Variants in ABCA13 observed in about 807,000 individuals in gnomAD.
The protein encoded by ABCA13 is ATP-binding cassette sub-family A member 13.
Under a neutral mutation model 478.7 loss-of-function variants are expected in ABCA13, and 476 were observed. The observed-to-expected ratio is 0.99, with a 90% CI of 0.92 to 1.07. The LOEUF (loss-of-function observed/expected upper bound fraction) is 1.07. Among genes scored for constraint, ABCA13 ranks in the 50% least tolerant of loss-of-function variants. The pLI is 0.00. For missense variants in ABCA13, 6,060 were observed against 5,910.6 expected (o/e 1.03, Z -0.83); for synonymous variants, 2,252 against 2,158.9 (o/e 1.04, Z -1.20).
At chr7:48,243,466 G>A (rs1352052698) in intron 10 of ABCA13, among the ~76,000 whole-genome samples, 2 of 152,198 alleles carry the variant, frequency 1.3e-5, no homozygotes, top group African/African-American at 2.4e-5. Flanking sequence ...GAGGTGTCAG[G>A]AGTCTGGTCA....
intron 20 of ABCA13, among the ~76,000 whole-genome samples, chr7:48,293,936 G>A (rs965141843): frequency 1.3e-5 from 2 of 152,114 alleles, no homozygotes; most frequent in African/African-American, 4.8e-5. Flanking sequence ...CAGAACAGGA[G>A]CCTCTCAGGC....
chr7:48,634,444 G>A (rs757788363), intron 59 of ABCA13, among the ~76,000 whole-genome samples: 12 of 152,170 alleles, frequency 7.9e-5, no homozygotes, highest in Non-Finnish European at 1.6e-4. Flanking sequence ...AAGGTCAGCA[G>A]TAATGCTTTC....
chr7:48,381,249 T>G (rs894282140), intron 35 of ABCA13, among the ~76,000 whole-genome samples: 1 of 152,028 alleles, frequency 6.6e-6, no homozygotes, highest in African/African-American at 2.4e-5. Context: ...TAATAAAATC[T>G]ATATTTTAAA....
Position 48,279,527 on chromosome 7 carries a change from T to A in ABCA13, c.8333T>A (p.Val2778Asp), listed in dbSNP as rs368696806. Residue 2778 changes from valine to aspartate, a missense_variant, in exon 18 of 62, where the codon GTT becomes GAT. Physicochemically the swap from Val to Asp is radical, Grantham distance 152. Around this residue, in one of 3 missense-constraint regions of ABCA13, gnomAD observed 4,423 missense variants for 4,309.1 expected, o/e 1.03. Coordinates refer to ENST00000435803, the MANE Select transcript of ABCA13 (RefSeq NM_152701.5). ...AACCTTTTGAAAACCATAGAAACAG[T>A]TTTAGAGGCCTCCAGTGGAATTAAA... is the stretch of plus-strand genomic sequence containing the variant. ...PNNLLKTIET[V>D]LEASSGIKSD... is the part of the protein sequence containing the mutation. 35 of 1,613,330 alleles carry A rather than the reference T, an allele frequency of 2.2e-5. No individual in the cohort carries two copies. The highest frequency in any genetic ancestry group is 1.6e-4 in the East Asian group (7 of 44,798).
At position 48,516,868 on chromosome 7, in the gene ABCA13, T is replaced by G. The variant is rs759765450; in HGVS notation, c.13784T>G (p.Ile4595Ser). 6.2e-7 allele frequency: 1 copy of G among 1,613,604 alleles called. No individual in the cohort carries two copies. The highest frequency in any genetic ancestry group is 8.5e-7 in the Non-Finnish European group (1 of 1,179,640). The change falls in exon 52 of 62, where the codon ATC (isoleucine) becomes AGC (serine). Residue 4595 changes from isoleucine to serine, a missense_variant. This residue lies in a region of ABCA13 where 1,627 missense variants were observed against 1,571.0 expected (regional missense o/e 1.04). Transcript: ENST00000435803. ...ITIMPRLLAI[I>S]SKAKNLQNIY... Reference sequence around the variant, plus strand: ...ATTATGCCCCGGTTGCTAGCCATCATCTCCAAAGCTAAGGTCAGTAGCTTT... The same window carrying G: ...ATTATGCCCCGGTTGCTAGCCATCAGCTCCAAAGCTAAGGTCAGTAGCTTT...
At position 48,647,160 on chromosome 7, in the gene ABCA13, C is replaced by T. The variant is rs1314515551; in HGVS notation, c.*1648C>T. ...AGCTTGTGATCAAAGGCATATACTT[C>T]CTTATGAGATTTCTTTACTAAAGCA... On this transcript the variant is annotated 3_prime_UTR_variant, in exon 62 of 62. Coordinates refer to ENST00000435803, the MANE Select transcript of ABCA13 (RefSeq NM_152701.5). 1 of 152,146 alleles carries T rather than the reference C, an allele frequency of 6.6e-6. No homozygotes were observed. The highest frequency in any genetic ancestry group is 1.5e-5 in the Non-Finnish European group (1 of 68,032). The allele number at this position is 152,146 out of a possible 1,614,324, so 9.4% of individuals were successfully genotyped here.
rs1792164214 is a variant in ABCA13 at position 48,249,275 on chromosome 7, C to G, written c.1929C>G (p.Phe643Leu). 6.2e-7 allele frequency: 1 copy of G among 1,613,146 alleles called. No individual in the cohort carries two copies. The highest frequency in any genetic ancestry group is 8.5e-7 in the Non-Finnish European group (1 of 1,179,460). The part of the protein sequence containing the change: ...FLEQAYYWKA[F>L]KKFIRKTCEV... ...AACAAGCATATTATTGGAAAGCCTT[C>G]AAAAAGTTTATCAGGAAGACTTGCG... The change falls in exon 15 of 62, where the codon TTC becomes TTG. Residue 643 changes from phenylalanine (F) to leucine (L), a missense_variant. By Grantham distance (22) the Phe-to-Leu change is conservative. Coordinates refer to ENST00000435803, the MANE Select transcript of ABCA13 (RefSeq NM_152701.5).
chr7:48,273,159 T>C lies in ABCA13; in HGVS notation c.3493T>C (p.Phe1165Leu). ...TEIWETISQLFKFDMNVFTSL... is the reference protein window; with the variant it reads ...TEIWETISQLLKFDMNVFTSL... ...AATCTGGGAAACCATATCTCAATTA[T>C]TTAAGTTTGACATGAATGTTTTCAC... Residue 1165 changes from phenylalanine (F) to leucine (L), a missense_variant, in exon 17 of 62, where the codon TTT becomes CTT. Physicochemically the swap from Phe to Leu is conservative, Grantham distance 22. Coordinates refer to ENST00000435803, the MANE Select transcript of ABCA13 (RefSeq NM_152701.5). 6.2e-7 allele frequency: 1 copy of C among 1,613,710 alleles called. No homozygotes were observed. Among genetic ancestry groups the C allele is most frequent in the East Asian group, 2.2e-5 (1 of 44,860 alleles).
chr7:48,200,431 T>C (rs1798515263), intron 3 of ABCA13, among the ~76,000 whole-genome samples: 1 of 152,196 alleles, frequency 6.6e-6, no homozygotes, highest in Admixed American at 6.5e-5. Flanking sequence ...TTCTTTGTGT[T>C]TTTCCACATC....
intron 15 of ABCA13, among the ~76,000 whole-genome samples, chr7:48,262,518 A>G (rs764836924): frequency 4.6e-5 from 7 of 151,922 alleles, no homozygotes; most frequent in Non-Finnish European, 1.0e-4. Context: ...CTGCTATGCC[A>G]TATACCCCTT....
At position 48,248,979 on chromosome 7, in the gene ABCA13, T is replaced by C. The variant is rs1017277858; in HGVS notation, c.1866-233T>C. 1.2e-4 allele frequency among the ~76,000 whole-genome samples: 19 copies of C among 152,306 alleles called. No homozygotes were observed. In the East Asian group the frequency reaches 3.3e-3, roughly 26 times the overall value. ...TTTTTTTGTCCTTCTTGATTTATTGTCTTATATTTTATGTATTCTCATAAA... is the reference window on the plus strand; with the variant it reads ...TTTTTTTGTCCTTCTTGATTTATTGCCTTATATTTTATGTATTCTCATAAA... On this transcript the variant is annotated intron_variant, in intron 14 of 61. Coordinates refer to ENST00000435803, the MANE Select transcript of ABCA13 (RefSeq NM_152701.5).
At chr7:48,368,413 A>G (rs1296510930) in intron 32 of ABCA13, among the ~76,000 whole-genome samples, 2 of 151,910 alleles carry the variant, frequency 1.3e-5, no homozygotes, top group Non-Finnish European at 2.9e-5. Context: ...CCATCACCCG[A>G]GCAGTGTACC....
chr7:48,262,249 A>G (rs1453460847), intron 15 of ABCA13, among the ~76,000 whole-genome samples: 1 of 151,924 alleles, frequency 6.6e-6, no homozygotes, highest in East Asian at 1.9e-4. Flanking sequence ...ATTTCTTCAG[A>G]CTAGTCAATC....
chr7:48,474,599 A>T (rs922848215), intron 45 of ABCA13, among the ~76,000 whole-genome samples: 20 of 152,160 alleles, frequency 1.3e-4, no homozygotes, highest in African/African-American at 4.8e-4. Flanking sequence ...GGAAATTCCA[A>T]AGAGAATTGG....
chr7:48,492,378 A>C (rs544744353), intron 48 of ABCA13, among the ~76,000 whole-genome samples: 6 of 152,240 alleles, frequency 3.9e-5, no homozygotes, highest in Non-Finnish European at 8.8e-5. Flanking sequence ...CCACCCCTGC[A>C]GGATGAGTTA....
intron 49 of ABCA13, 123 bp from the exon 50 acceptor site, chr7:48,507,749 G>A: frequency 2.6e-6 from 3 of 1,162,096 alleles, no homozygotes; most frequent in Non-Finnish European, 3.6e-6. Flanking sequence ...TAGCCAACAT[G>A]CCTGGCTGAT....
chr7:48,369,854 A>G (rs773015881), intron 32 of ABCA13, among the ~76,000 whole-genome samples: 10 of 152,050 alleles, frequency 6.6e-5, no homozygotes, highest in Non-Finnish European at 1.5e-4. Flanking sequence ...CTTTTTGCTT[A>G]GTCTTGCTTT....
At chr7:48,178,336 C>G (rs146619895) in intron 1 of ABCA13, among the ~76,000 whole-genome samples, 41 of 152,168 alleles carry the variant, frequency 2.7e-4, no homozygotes, top group Non-Finnish European at 4.0e-4. Flanking sequence ...TCTGGCTGTG[C>G]GGTGAGCATC....
At chr7:48,617,470 A>G (rs1402981911) in intron 59 of ABCA13, among the ~76,000 whole-genome samples, 1 of 152,138 alleles carries the variant, frequency 6.6e-6, no homozygotes, top group Non-Finnish European at 1.5e-5. Context: ...CCCCGTGGAG[A>G]GGCAGGAGGC....
Sources: allele counts gnomAD v4.1 joint callset (sites outside exome capture counted in the v4.1 genomes callset), GRCh38; gene constraint gnomAD v4.1.1; regional missense constraint gnomAD v4.1.1; transcripts MANE v1.5; gene names NCBI Gene and HGNC (gene_info 2026-07-23, HGNC 2026-07-21).